KCNIP4: variants seen among roughly 807,000 people sequenced by gnomAD.
The protein encoded by KCNIP4 is Kv channel-interacting protein 4.
In KCNIP4, 12 loss-of-function variants were observed where a neutral mutation model predicts 34.0. That is an observed-to-expected ratio of 0.35 (90% CI 0.23 to 0.57). The LOEUF is 0.57. KCNIP4 is among the 20% of genes least tolerant of loss of function. The probability of loss-of-function intolerance (pLI) is 0.83; values close to 1 mark genes in which losing one functional copy is unlikely to be tolerated. For synonymous variants in KCNIP4, 124 were observed against 102.2 expected (o/e 1.21, Z -1.29); for missense variants, 238 against 311.7 (o/e 0.76, Z 1.78).
chr4:21,103,086 T>C (rs895778805), intron 1 of KCNIP4, among the ~76,000 whole-genome samples: 9 of 151,966 alleles, frequency 5.9e-5, no homozygotes, highest in Admixed American at 4.6e-4. Flanking sequence ...TAAAATACTA[T>C]CAATCAAATG....
chr4:21,587,068 T>A (rs191480218), intron 1 of KCNIP4, among the ~76,000 whole-genome samples: 1 of 152,206 alleles, frequency 6.6e-6, no homozygotes, highest in African/African-American at 2.4e-5. Flanking sequence ...CAAGGACTGC[T>A]TTGCATCTAC....
intron 1 of KCNIP4, among the ~76,000 whole-genome samples, chr4:21,569,770 C>T (rs1321057335): frequency 1.3e-5 from 2 of 152,008 alleles, no homozygotes; most frequent in African/African-American, 4.8e-5. Context: ...TAGGAAGTTG[C>T]TACCATTCTT....
At chr4:21,244,162 G>A (rs1377697511) in intron 1 of KCNIP4, among the ~76,000 whole-genome samples, 2 of 152,116 alleles carry the variant, frequency 1.3e-5, no homozygotes, top group Non-Finnish European at 2.9e-5. Context: ...AGTTGTAATA[G>A]ATTGAGGGTA....
chr4:20,873,431 T>A (rs1285106334), intron 2 of KCNIP4, among the ~76,000 whole-genome samples: 1 of 152,196 alleles, frequency 6.6e-6, no homozygotes, highest in Non-Finnish European at 1.5e-5. Context: ...AGTTTCCAAC[T>A]AATTTTCTTG....
intron 1 of KCNIP4, among the ~76,000 whole-genome samples, chr4:21,218,229 G>T (rs1242896586): frequency 1.3e-5 from 2 of 151,778 alleles, no homozygotes; most frequent in African/African-American, 2.4e-5. Flanking sequence ...TGGCCAGGTT[G>T]GTCTCGAACT....
intron 1 of KCNIP4, among the ~76,000 whole-genome samples, chr4:20,921,365 T>C (rs1301222365): frequency 1.3e-5 from 2 of 152,220 alleles, no homozygotes; most frequent in African/African-American, 2.4e-5. Context: ...TGATGAGAAC[T>C]GTTAATATGT....
At chr4:21,259,793 G>A (rs1032785196) in intron 1 of KCNIP4, among the ~76,000 whole-genome samples, 13 of 151,898 alleles carry the variant, frequency 8.6e-5, no homozygotes, top group South Asian at 2.1e-4. Context: ...TGTCAGCTGC[G>A]CAGGTTCTTT....
At chr4:21,923,015 T>C (rs1043772536) in intron 1 of KCNIP4, among the ~76,000 whole-genome samples, 7 of 152,210 alleles carry the variant, frequency 4.6e-5, no homozygotes, top group African/African-American at 1.7e-4. Flanking sequence ...TATATTATCA[T>C]AATGCACGGT....
intron 1 of KCNIP4, among the ~76,000 whole-genome samples, chr4:21,131,936 G>A (rs1751101672): frequency 6.6e-6 from 1 of 152,120 alleles, no homozygotes; most frequent in East Asian, 1.9e-4. Context: ...CTTCTCAAAT[G>A]GGGCCATTGT....
At chr4:21,278,239 T>C (rs1402135616) in intron 1 of KCNIP4, among the ~76,000 whole-genome samples, 1 of 152,154 alleles carries the variant, frequency 6.6e-6, no homozygotes, top group Non-Finnish European at 1.5e-5. Context: ...GGGGCACATG[T>C]GCAGGTTTGT....
At position 21,589,344 on chromosome 4, in the gene KCNIP4, G is replaced by T. The variant is rs572202611; in HGVS notation, c.61+359227C>A. On this transcript the variant is annotated intron_variant, in intron 1 of 8. Coordinates refer to ENST00000382152, the MANE Select transcript of KCNIP4 (RefSeq NM_025221.6). Reference sequence around the variant, plus strand: ...CATATACACGTGTATATATATACATGTGTATGTATATATGTACATATATAT... The same window carrying T: ...CATATACACGTGTATATATATACATTTGTATGTATATATGTACATATATAT... Among the ~76,000 whole-genome samples the T allele has an allele frequency of 2.0e-3, 299 of 146,022 alleles. 1 individual carries two copies. Among genetic ancestry groups the T allele is most frequent in the African/African-American group, 7.2e-3 (287 of 39,766 alleles).
chr4:21,664,194 C>A (rs1022200853), intron 1 of KCNIP4, among the ~76,000 whole-genome samples: 1 of 152,080 alleles, frequency 6.6e-6, no homozygotes, highest in Non-Finnish European at 1.5e-5. Context: ...AGTGATCCAC[C>A]CACCTCAGCC....
At position 20,761,848 on chromosome 4, in the gene KCNIP4, G is replaced by A. The variant is rs1355272491; in HGVS notation, c.289-2958C>T. ...TACTGGCCAAGTTTCAGGGTGGAAA[G>A]TCTCACCAGATAAATTTGTTTTTAT... On this transcript the variant is annotated intron_variant, in intron 3 of 8. Transcript: ENST00000382152. Among the ~76,000 whole-genome samples the A allele has an allele frequency of 2.0e-5, 3 of 152,198 alleles. No homozygotes were observed. In the East Asian group the frequency reaches 5.8e-4, roughly 29 times the overall value.
At chr4:20,733,994 G>A (rs1268322421) in intron 6 of KCNIP4, among the ~76,000 whole-genome samples, 1 of 152,160 alleles carries the variant, frequency 6.6e-6, no homozygotes, top group Non-Finnish European at 1.5e-5. Context: ...GAAGTCTCGT[G>A]AGGCAAAGAG....
At chr4:21,760,734 A>G (rs1717993509) in intron 1 of KCNIP4, among the ~76,000 whole-genome samples, 1 of 152,116 alleles carries the variant, frequency 6.6e-6, no homozygotes, top group Non-Finnish European at 1.5e-5. Flanking sequence ...AAAATTTTAA[A>G]TATTTCTATT....
chr4:21,825,705 TA>T (rs1333117282), intron 1 of KCNIP4, among the ~76,000 whole-genome samples: 1 of 152,294 alleles, frequency 6.6e-6, no homozygotes, highest in Non-Finnish European at 1.5e-5. Context: ...TTATGTAACA[TA>T]AGAGCACTGT....
intron 1 of KCNIP4, among the ~76,000 whole-genome samples, chr4:20,930,064 G>C (rs1013687375): frequency 6.6e-6 from 1 of 151,800 alleles, no homozygotes; most frequent in Non-Finnish European, 1.5e-5. Flanking sequence ...AACAGAATAG[G>C]CAAAGGAACA....
chr4:21,891,906 G>A (rs531785163), intron 1 of KCNIP4, among the ~76,000 whole-genome samples: 5 of 152,098 alleles, frequency 3.3e-5, no homozygotes, highest in Admixed American at 2.0e-4. Flanking sequence ...TTTTCAGAAC[G>A]GTTTTGATTA....
At chr4:21,572,450 A>G (rs1390772555) in intron 1 of KCNIP4, among the ~76,000 whole-genome samples, 2 of 152,124 alleles carry the variant, frequency 1.3e-5, no homozygotes, top group African/African-American at 4.8e-5. Context: ...TATCATGTAG[A>G]TAAGCCAATA....
Sources: allele counts gnomAD v4.1 joint callset (sites outside exome capture counted in the v4.1 genomes callset), GRCh38; gene constraint gnomAD v4.1.1; transcripts MANE v1.5; gene names NCBI Gene and HGNC (gene_info 2026-07-23, HGNC 2026-07-21).